MTMR10: variants seen among roughly 807,000 people sequenced by gnomAD.
The protein encoded by MTMR10 is myotubularin-related protein 10.
Under a neutral mutation model 88.1 loss-of-function variants are expected in MTMR10, and 56 were observed. That is an observed-to-expected ratio of 0.64 (90% CI 0.51 to 0.79). MTMR10 has a LOEUF of 0.79. MTMR10 is among the 30% of genes least tolerant of loss of function. The pLI is 0.00. For synonymous variants in MTMR10, 380 were observed against 340.9 expected, an observed-to-expected ratio of 1.11 and a Z score of -1.26; for missense variants, 883 against 924.7, an observed-to-expected ratio of 0.95 and a Z score of 0.58.
At chr15:30,961,598 G>T (rs74212117) in intron 6 of MTMR10, among the ~76,000 whole-genome samples, 12 of 152,112 alleles carry the variant, frequency 7.9e-5, no homozygotes, top group African/African-American at 2.9e-4. Flanking sequence ...CCGTAAAACA[G>T]CTTTGATTTT....
At chr15:30,942,811 C>T (rs1478547163) in intron 15 of MTMR10, 79 bp downstream of exon 15, 4 of 1,400,304 alleles carry the variant, frequency 2.9e-6, no homozygotes, top group Non-Finnish European at 3.8e-6. Flanking sequence ...AGTGCCTTTA[C>T]TTTTAACGCT....
the MTMR10 span, among the ~76,000 whole-genome samples, chr15:30,919,935 T>C: frequency 3.9e-5 from 6 of 152,174 alleles, no homozygotes; most frequent in Non-Finnish European, 8.8e-5. Flanking sequence ...TGTATATTTA[T>C]AGAGAAATAA....
chr15:30,980,672 T>G (rs969543690), intron 2 of MTMR10, among the ~76,000 whole-genome samples: 1 of 151,738 alleles, frequency 6.6e-6, no homozygotes, highest in African/African-American at 2.4e-5. Context: ...ATTCCAAGGC[T>G]GGGGCAGGGG....
At chr15:30,923,691 C>T in the MTMR10 span, among the ~76,000 whole-genome samples, 2 of 152,346 alleles carry the variant, frequency 1.3e-5, no homozygotes, top group African/African-American at 4.8e-5. Context: ...TGCCCGGCAC[C>T]GTCTTCTGCC....
chr15:30,961,948 ACAAT>A (rs2063407936), intron 6 of MTMR10, among the ~76,000 whole-genome samples: 1 of 152,138 alleles, frequency 6.6e-6, no homozygotes, highest in Non-Finnish European at 1.5e-5. Context: ...GAAACATCCA[ACAAT>A]CATCTCTGTC....
At chr15:30,950,941 C>T (rs187955908) in intron 12 of MTMR10, among the ~76,000 whole-genome samples, 1 of 152,158 alleles carries the variant, frequency 6.6e-6, no homozygotes, top group Non-Finnish European at 1.5e-5. Flanking sequence ...AGTTGTTATA[C>T]TATACTGTTT....
intron 12 of MTMR10, chr15:30,950,178 C>T (rs2063224208): frequency 6.6e-6 from 1 of 152,106 alleles, no homozygotes; most frequent in Admixed American, 6.5e-5. Context: ...TAGGGTTCTC[C>T]AATACGATGA....
chr15:30,979,249 T>C (rs1219776220), intron 2 of MTMR10, among the ~76,000 whole-genome samples: 1 of 152,158 alleles, frequency 6.6e-6, no homozygotes, highest in East Asian at 1.9e-4. Context: ...CACAAACTTG[T>C]TATGCATGTT....
At chr15:30,964,218 A>G (rs1450183763) in intron 6 of MTMR10, among the ~76,000 whole-genome samples, 1 of 152,232 alleles carries the variant, frequency 6.6e-6, no homozygotes, top group African/African-American at 2.4e-5. Flanking sequence ...AAAGAATTAT[A>G]AAAAACACAC....
At chr15:30,991,395 C>A in intron 1 of MTMR10, 52 bp downstream of exon 1, 1 of 1,420,216 alleles carries the variant, frequency 7.0e-7, no homozygotes, top group Non-Finnish European at 9.3e-7. Context: ...GGCCTGGAGG[C>A]TCCACGGAAG....
chr15:30,951,631 C>G (rs1223940183), intron 12 of MTMR10, among the ~76,000 whole-genome samples: 1 of 152,106 alleles, frequency 6.6e-6, no homozygotes, highest in African/African-American at 2.4e-5. Flanking sequence ...TCCCGAGTAG[C>G]TGAGACTACA....
intron 2 of MTMR10, among the ~76,000 whole-genome samples, chr15:30,982,195 C>T (rs1037166311): frequency 2.6e-5 from 4 of 152,044 alleles, no homozygotes; most frequent in Admixed American, 1.3e-4. Flanking sequence ...TAAGGAGACA[C>T]GACAACTAAA....
intron 4 of MTMR10, 45 bp downstream of exon 4, chr15:30,974,886 C>G (rs750805258): frequency 7.9e-7 from 1 of 1,260,854 alleles, no homozygotes; most frequent in East Asian, 2.8e-5. Context: ...AATAATACTT[C>G]CAGAGTGGAA....
rs1595932760 is a variant in MTMR10, at chr15:30,967,791, C to T, written c.565+129G>A. 12 of 699,618 alleles carry T rather than the reference C, an allele frequency of 1.7e-5. No individual in the cohort carries two copies. In the East Asian group the frequency reaches 3.2e-4, roughly 19 times the overall value. 43.3% of individuals were successfully genotyped at this position (699,618 alleles called of 1,614,324 possible). A position where few individuals can be genotyped will look rare whatever the true frequency, so the allele number is the denominator to read the frequency against. The stretch of plus-strand genomic sequence containing the variant: ...TGGCTCTTTTAGCATGTAGTGCTTA[C>T]TTCTCTAAGGTATGAAGCTAGTAAT... On this transcript the variant is annotated intron_variant, in intron 6 of 15. Transcript: ENST00000435680.
At chr15:30,926,633 C>T in the MTMR10 span, 25 of 985,138 alleles carry the variant, frequency 2.5e-5, no homozygotes, top group East Asian at 4.5e-4. Flanking sequence ...TTGGGGAAGA[C>T]GTGCAAATGC....
the MTMR10 span, chr15:30,920,491 TCTTATAATAA>T: frequency 9.0e-7 from 1 of 1,109,736 alleles, no homozygotes; most frequent in Non-Finnish European, 1.4e-6. Context: ...GTTATTATTG[TCTTATAATAA>T]ATTAACCAAA....
chr15:30,990,923 G>A (rs766759330), intron 1 of MTMR10, 86 bp from the exon 2 acceptor site: 5 of 1,156,288 alleles, frequency 4.3e-6, no homozygotes, highest in East Asian at 2.6e-5. Flanking sequence ...TCTAAGTGAT[G>A]ACACATGCGA....
rs2031339530 is a variant in MTMR10, at chr15:30,991,586, G to C, written c.-80C>G. 2 of 1,460,324 alleles carry C rather than the reference G, an allele frequency of 1.4e-6. No individual in the cohort carries two copies. The highest frequency in any genetic ancestry group is 1.8e-6 in the Non-Finnish European group (2 of 1,104,440). The allele number at this position is 1,460,324 out of a possible 1,614,324, so 90.5% of individuals were successfully genotyped here. A position where few individuals can be genotyped will look rare whatever the true frequency, so the allele number is the denominator to read the frequency against. Reference sequence around the variant, plus strand: ...CCTCCGGGCGTAAAGCTCTCAGTGCGGCCGCCCAGGCCCTTTCTGCGGCCA... The same window carrying C: ...CCTCCGGGCGTAAAGCTCTCAGTGCCGCCGCCCAGGCCCTTTCTGCGGCCA... On this transcript the variant is annotated 5_prime_UTR_variant, in exon 1 of 16. Transcript: ENST00000435680.
intron 2 of MTMR10, among the ~76,000 whole-genome samples, chr15:30,978,960 T>C (rs566561883): frequency 6.6e-6 from 1 of 152,306 alleles, no homozygotes; most frequent in African/African-American, 2.4e-5. Flanking sequence ...CTTCTTTGGC[T>C]CCTTGAACAT....
Sources: allele counts gnomAD v4.1 joint callset (sites outside exome capture counted in the v4.1 genomes callset), GRCh38; gene constraint gnomAD v4.1.1; transcripts MANE v1.5; gene names NCBI Gene and HGNC (gene_info 2026-07-23, HGNC 2026-07-21).